PAK1: variants seen among roughly 807,000 people sequenced by gnomAD.
PAK1 encodes the protein serine/threonine-protein kinase PAK 1.
In PAK1, 29 loss-of-function variants were observed where a neutral mutation model predicts 67.4. The observed-to-expected ratio is 0.43, with a 90% CI of 0.32 to 0.59. PAK1 has a LOEUF of 0.59. Among genes scored for constraint, PAK1 ranks in the 20% least tolerant of loss-of-function variants. The pLI, the probability that PAK1 is intolerant of heterozygous loss-of-function variation, is 0.07. For synonymous variants in PAK1, 223 were observed against 237.4 expected (o/e 0.94, Z 0.56); for missense variants, 337 against 670.7 (o/e 0.50, Z 5.50).
rs181926095 is a variant in PAK1, at chr11:77,451,626, G to A, written c.-22+21926C>T. ...TTTTTTGTTTTTTTTTTGAGACGGC[G>A]TCTTGCTCTGTCGCCCAGGCTGGAG... On this transcript the variant is annotated intron_variant, in intron 1 of 14. Transcript: ENST00000356341. 4.5e-3 allele frequency among the ~76,000 whole-genome samples: 635 copies of A among 141,232 alleles called. 22 individuals are homozygous for A. The highest frequency in any genetic ancestry group is 1.0e-3 in the Non-Finnish European group (68 of 65,410). 92.7% of individuals were successfully genotyped at this position (141,232 alleles called of 152,430 possible). A position where few individuals can be genotyped will look rare whatever the true frequency, so the allele number is the denominator to read the frequency against.
chr11:77,386,722 T>C (rs1950492629), intron 2 of PAK1, among the ~76,000 whole-genome samples: 1 of 152,138 alleles, frequency 6.6e-6, no homozygotes, highest in South Asian at 2.1e-4. Flanking sequence ...ACAACTCCTC[T>C]AGAAATTCTG....
chr11:77,349,347 T>C (rs1394127530), intron 8 of PAK1, 60 bp from the exon 9 acceptor site: 2 of 1,326,752 alleles, frequency 1.5e-6, no homozygotes, highest in Non-Finnish European at 2.1e-6. Context: ...AAAGTGATAT[T>C]TGTCAAATGC....
chr11:77,374,825 A>G (rs1948890456), intron 4 of PAK1, among the ~76,000 whole-genome samples: 1 of 152,226 alleles, frequency 6.6e-6, no homozygotes, highest in African/African-American at 2.4e-5. Flanking sequence ...AACGGTAAGT[A>G]TTTGTATATC....
intron 1 of PAK1, among the ~76,000 whole-genome samples, chr11:77,422,619 C>CT (rs1297273651): frequency 6.6e-6 from 1 of 152,052 alleles, no homozygotes; most frequent in Non-Finnish European, 1.5e-5. Context: ...CCATTCATCC[C>CT]TTCATCCTTG....
At chr11:77,473,119 G>T (rs900538437) in intron 1 of PAK1, among the ~76,000 whole-genome samples, 2 of 152,196 alleles carry the variant, frequency 1.3e-5, no homozygotes, top group African/African-American at 2.4e-5. Flanking sequence ...GCCTGGAAGG[G>T]GTCATTTATT....
At chr11:77,453,061 T>C (rs1046800149) in intron 1 of PAK1, among the ~76,000 whole-genome samples, 3 of 151,994 alleles carry the variant, frequency 2.0e-5, no homozygotes, top group African/African-American at 4.8e-5. Flanking sequence ...GTGGGATATA[T>C]AAGATTTTGG....
At chr11:77,332,653 C>T in intron 14 of PAK1, 77 bp downstream of exon 14, 1 of 1,178,828 alleles carries the variant, frequency 8.5e-7, no homozygotes, top group Non-Finnish European at 1.3e-6. Flanking sequence ...ATATCCAGTA[C>T]CTTACAAACA....
intron 1 of PAK1, among the ~76,000 whole-genome samples, chr11:77,401,884 A>G (rs930089750): frequency 6.6e-6 from 1 of 152,206 alleles, no homozygotes; most frequent in Non-Finnish European, 1.5e-5. Context: ...CAGGCCATGA[A>G]TAACTCAAGG....
intron 9 of PAK1, among the ~76,000 whole-genome samples, chr11:77,347,878 T>C (rs1362740526): frequency 1.3e-5 from 2 of 152,166 alleles, no homozygotes; most frequent in Non-Finnish European, 2.9e-5. Flanking sequence ...ATTATGCACA[T>C]TTTATAAATA....
chr11:77,394,368 C>A (rs989198584), intron 1 of PAK1, among the ~76,000 whole-genome samples: 6 of 151,984 alleles, frequency 3.9e-5, no homozygotes, highest in African/African-American at 1.4e-4. Flanking sequence ...GATCCCAATG[C>A]CAGTCAGATT....
At chr11:77,381,244 A>G (rs1017981028) in intron 2 of PAK1, among the ~76,000 whole-genome samples, 1 of 152,082 alleles carries the variant, frequency 6.6e-6, no homozygotes, top group Non-Finnish European at 1.5e-5. Flanking sequence ...AGGATGAGCT[A>G]GATGATCTTA....
At chr11:77,362,828 C>G (rs760067912) in intron 5 of PAK1, among the ~76,000 whole-genome samples, 1 of 152,050 alleles carries the variant, frequency 6.6e-6, no homozygotes, top group Non-Finnish European at 1.5e-5. Context: ...ATGGGGCACT[C>G]AGTAATTGAA....
chr11:77,429,958 G>A (rs1463931015), intron 1 of PAK1, among the ~76,000 whole-genome samples: 1 of 152,136 alleles, frequency 6.6e-6, no homozygotes, highest in Non-Finnish European at 1.5e-5. Flanking sequence ...AACTAAGTTT[G>A]ATATCGCTTT....
chr11:77,440,316 T>C (rs1302882531), intron 1 of PAK1, among the ~76,000 whole-genome samples: 2 of 152,060 alleles, frequency 1.3e-5, no homozygotes, highest in Admixed American at 6.6e-5. Flanking sequence ...AGGAGAATAG[T>C]GTGAGGCCAG....
At chr11:77,495,174 AT>A in the PAK1 span, among the ~76,000 whole-genome samples, 14 of 145,884 alleles carry the variant, frequency 9.6e-5, no homozygotes, top group South Asian at 2.2e-3. Context: ...AAAAAAAAAA[AT>A]TTTTTTTTAA....
At chr11:77,528,520 C>T in the PAK1 span, among the ~76,000 whole-genome samples, 2 of 151,998 alleles carry the variant, frequency 1.3e-5, no homozygotes, top group Non-Finnish European at 2.9e-5. Context: ...AATTTTTAAA[C>T]TTTTGGTAGA....
intron 1 of PAK1, among the ~76,000 whole-genome samples, chr11:77,400,319 A>G (rs1030454253): frequency 1.3e-5 from 2 of 152,212 alleles, no homozygotes; most frequent in African/African-American, 4.8e-5. Flanking sequence ...CAGGTCTTTT[A>G]TGTTCTGCAC....
At chr11:77,504,583 G>A in the PAK1 span, among the ~76,000 whole-genome samples, 3 of 152,204 alleles carry the variant, frequency 2.0e-5, no homozygotes, top group Non-Finnish European at 4.4e-5. Flanking sequence ...TCATATCAAT[G>A]AGCTTTTCAT....
At chr11:77,462,484 T>C (rs1957397318) in intron 1 of PAK1, among the ~76,000 whole-genome samples, 3 of 138,312 alleles carry the variant, frequency 2.2e-5, no homozygotes, top group South Asian at 4.4e-4. Context: ...ATTGAAAGGA[T>C]TTTTTTTTTT....
Sources: gnomAD v4.1 joint callset for allele counts (sites outside exome capture counted in the v4.1 genomes callset) on GRCh38, gnomAD v4.1.1 for gene constraint, MANE v1.5 for transcripts, NCBI Gene and HGNC (gene_info 2026-07-23, HGNC 2026-07-21) for gene names.